Variants in UBAC2 observed in about 807,000 individuals in gnomAD.
The protein encoded by UBAC2 is ubiquitin-associated domain-containing protein 2.
Under a neutral mutation model 44.0 loss-of-function variants are expected in UBAC2, and 26 were observed. The observed-to-expected ratio is 0.59, with a 90% CI of 0.43 to 0.82. The LOEUF (loss-of-function observed/expected upper bound fraction) is 0.82, where lower values mean the gene tolerates loss of function less well. Ranked by LOEUF, UBAC2 falls within the 40% of genes least tolerant of loss-of-function variation. The probability of loss-of-function intolerance (pLI) is 0.00; values close to 1 mark genes in which losing one functional copy is unlikely to be tolerated. For missense variants in UBAC2, 329 were observed against 419.4 expected (o/e 0.78, Z 1.88); for synonymous variants, 155 against 154.3 (o/e 1.00, Z -0.04).
chr13:99,308,165 G>A (rs2044364075), intron 4 of UBAC2, among the ~76,000 whole-genome samples: 1 of 152,206 alleles, frequency 6.6e-6, no homozygotes, highest in Non-Finnish European at 1.5e-5. Flanking sequence ...CAGATATGTA[G>A]CACTCAGATC....
At chr13:99,337,207 T>A (rs938058939) in intron 6 of UBAC2, among the ~76,000 whole-genome samples, 2 of 152,222 alleles carry the variant, frequency 1.3e-5, no homozygotes, top group Admixed American at 1.3e-4. Context: ...CTGTTAAGAT[T>A]TTATTTTGAA....
At chr13:99,244,324 C>T (rs915401855) in intron 3 of UBAC2, among the ~76,000 whole-genome samples, 191 bp from the exon 4 acceptor site, 2 of 150,866 alleles carry the variant, frequency 1.3e-5, no homozygotes, top group African/African-American at 4.8e-5. Flanking sequence ...GGGTTTACCC[C>T]GCCCATTTTC....
chr13:99,339,105 A>T (rs1445956901), intron 6 of UBAC2, among the ~76,000 whole-genome samples: 1 of 151,892 alleles, frequency 6.6e-6, no homozygotes, highest in Non-Finnish European at 1.5e-5. Context: ...CTTTTCCTTG[A>T]GTTCTAGAAT....
intron 4 of UBAC2, among the ~76,000 whole-genome samples, chr13:99,253,263 G>A (rs953262396): frequency 3.9e-5 from 6 of 151,964 alleles, no homozygotes; most frequent in Non-Finnish European, 8.8e-5. Context: ...CTTTAAGCAT[G>A]TTTGCTTTTT....
intron 4 of UBAC2, among the ~76,000 whole-genome samples, chr13:99,248,346 C>T (rs1185573255): frequency 1.3e-5 from 2 of 151,954 alleles, no homozygotes; most frequent in African/African-American, 2.4e-5. Context: ...AGCTCAGCCT[C>T]CTGAGTAGCT....
intron 6 of UBAC2, among the ~76,000 whole-genome samples, chr13:99,332,044 C>A (rs1380573920): frequency 1.3e-5 from 2 of 152,004 alleles, no homozygotes; most frequent in Admixed American, 1.3e-4. Context: ...CCTTGTCATG[C>A]AGAGGCAATA....
At chr13:99,369,600 T>C (rs538701942) in intron 8 of UBAC2, among the ~76,000 whole-genome samples, 82 of 152,326 alleles carry the variant, frequency 5.4e-4, no homozygotes, top group South Asian at 4.1e-3. Flanking sequence ...TTTCAACTTA[T>C]GATATTTTCA....
At chr13:99,342,888 C>T (rs1261362006) in intron 7 of UBAC2, among the ~76,000 whole-genome samples, 2 of 152,208 alleles carry the variant, frequency 1.3e-5, no homozygotes, top group Non-Finnish European at 2.9e-5. Context: ...AGGGGGTTCC[C>T]CTGATCGCTG....
chr13:99,322,662 C>A (rs1355236278), intron 6 of UBAC2, among the ~76,000 whole-genome samples: 1 of 152,186 alleles, frequency 6.6e-6, no homozygotes. Flanking sequence ...TCTGATCCAG[C>A]AGCCTTAGTG....
At chr13:99,361,034 A>G (rs1240531631) in intron 7 of UBAC2, among the ~76,000 whole-genome samples, 3 of 152,208 alleles carry the variant, frequency 2.0e-5, no homozygotes, top group African/African-American at 4.8e-5. Context: ...CAATGCCTGT[A>G]GAACATGGAT....
intron 7 of UBAC2, among the ~76,000 whole-genome samples, chr13:99,340,857 A>G (rs1390052279): frequency 6.6e-6 from 1 of 152,196 alleles, no homozygotes; most frequent in Non-Finnish European, 1.5e-5. Context: ...AAGATGTGCT[A>G]TTTATCTGTT....
In UBAC2 at chr13:99,300,084, G is replaced by A. The variant is rs544256036; in HGVS notation, c.390-14013G>A. Among the ~76,000 whole-genome samples, 10 of 152,316 alleles carry A rather than the reference G, an allele frequency of 6.6e-5. No homozygotes were observed. The East Asian group carries it at 1.9e-3, about 29-fold the overall frequency. ...TATATCATGGCACATGCGCAACATT[G>A]CCCAGCTGCTCCAGAGCAAAGGGAC... On this transcript the variant is annotated intron_variant, in intron 4 of 8. Transcript: ENST00000403766.
rs2043359485 is a variant in UBAC2, at chr13:99,244,638, A to G, written c.389+14A>G. 1 of 1,487,932 alleles carries G rather than the reference A, an allele frequency of 6.7e-7. No individual in the cohort carries two copies. The highest frequency in any genetic ancestry group is 1.4e-5 in the African/African-American group (1 of 72,430). 92.2% of individuals were successfully genotyped at this position (1,487,932 alleles called of 1,614,324 possible). A position where few individuals can be genotyped will look rare whatever the true frequency, so the allele number is the denominator to read the frequency against. On this transcript the variant is annotated intron_variant, in intron 4 of 8. Coordinates refer to ENST00000403766, the MANE Select transcript of UBAC2 (RefSeq NM_001144072.2). Reference sequence around the variant, plus strand: ...GCCTTCTGGATTGTAAGTAGCACTTAAAGATTGACTTAATTTAGAACTACT... The same window carrying G: ...GCCTTCTGGATTGTAAGTAGCACTTGAAGATTGACTTAATTTAGAACTACT...
intron 4 of UBAC2, chr13:99,256,027 C>T (rs968868972): frequency 1.3e-5 from 8 of 632,538 alleles, no homozygotes; most frequent in South Asian, 4.5e-5. Context: ...AATCAAGGAA[C>T]GATTCAACTG....
In UBAC2 at chr13:99,226,241, T is replaced by C. The variant is rs1320927867; in HGVS notation, c.32-12186T>C. 2.0e-5 allele frequency among the ~76,000 whole-genome samples: 3 copies of C among 152,172 alleles called. No homozygotes were observed. The East Asian group carries it at 5.8e-4, about 29-fold the overall frequency. On this transcript the variant is annotated intron_variant, in intron 1 of 8. Coordinates refer to ENST00000403766, the MANE Select transcript of UBAC2 (RefSeq NM_001144072.2). ...GATCTTGTAGGTAGGAAAGACAACATGTCAGTAAACTTAGTCAGGGCCATC... is the reference window on the plus strand; with the variant it reads ...GATCTTGTAGGTAGGAAAGACAACACGTCAGTAAACTTAGTCAGGGCCATC...
chr13:99,360,963 C>T (rs1045682625), intron 7 of UBAC2, among the ~76,000 whole-genome samples: 2 of 152,174 alleles, frequency 1.3e-5, no homozygotes, highest in East Asian at 3.8e-4. Flanking sequence ...GTCAGCCACC[C>T]GTGAGCTCTT....
intron 6 of UBAC2, among the ~76,000 whole-genome samples, chr13:99,331,898 C>T (rs1348735580): frequency 2.0e-5 from 3 of 150,544 alleles, no homozygotes; most frequent in Non-Finnish European, 4.4e-5. Context: ...TAGGCTGGCA[C>T]GTATTAGCAT....
In UBAC2 at chr13:99,271,430, G is replaced by C. The variant is rs1436981291; in HGVS notation, c.389+26806G>C. ...CGTGGACAGCTGGAGCAGAGTGATGGGGGGATGGGGTGTGGGAAGATAGCA... is the reference window on the plus strand; with the variant it reads ...CGTGGACAGCTGGAGCAGAGTGATGCGGGGATGGGGTGTGGGAAGATAGCA... On this transcript the variant is annotated intron_variant, in intron 4 of 8. Transcript: ENST00000403766. Among the ~76,000 whole-genome samples the C allele has an allele frequency of 4.6e-5, 7 of 152,142 alleles. No individual in the cohort carries two copies. The South Asian group carries it at 8.3e-4, about 18-fold the overall frequency.
intron 6 of UBAC2, among the ~76,000 whole-genome samples, chr13:99,324,082 C>G (rs985945133): frequency 6.6e-6 from 1 of 152,190 alleles, no homozygotes; most frequent in Admixed American, 6.5e-5. Context: ...CAATCCATTC[C>G]CAAACATCCA....
Sources: gnomAD v4.1 joint callset for allele counts (sites outside exome capture counted in the v4.1 genomes callset) on GRCh38, gnomAD v4.1.1 for gene constraint, MANE v1.5 for transcripts, NCBI Gene and HGNC (gene_info 2026-07-23, HGNC 2026-07-21) for gene names.